GRM8: variants seen among roughly 807,000 people sequenced by gnomAD.
GRM8 encodes metabotropic glutamate receptor 8.
A neutral mutation model predicts 87.2 loss-of-function variants in GRM8; 47 were observed. The observed-to-expected ratio is 0.54, with a 90% CI of 0.43 to 0.69. The LOEUF is 0.69. Ranked by LOEUF, GRM8 falls within the 30% of genes least tolerant of loss-of-function variation. GRM8 has a pLI of 0.00. For synonymous variants in GRM8, 396 were observed against 404.5 expected (o/e 0.98, Z 0.25); for missense variants, 1,019 against 1,139.2 (o/e 0.89, Z 1.52).
chr7:126,746,750 T>C (rs1409555864), intron 7 of GRM8, among the ~76,000 whole-genome samples: 1 of 151,708 alleles, frequency 6.6e-6, no homozygotes, highest in African/African-American at 2.4e-5. Flanking sequence ...CTATTTGGTT[T>C]TAATTAAATA....
chr7:126,478,987 C>T (rs1292321297), intron 9 of GRM8, among the ~76,000 whole-genome samples: 2 of 151,938 alleles, frequency 1.3e-5, no homozygotes, highest in Admixed American at 6.6e-5. Flanking sequence ...TGGTAATGGG[C>T]TAGATATTTT....
At chr7:126,439,198 T>C (rs1424632499) in intron 10 of GRM8, 30 bp from the exon 11 acceptor site, 2 of 1,164,986 alleles carry the variant, frequency 1.7e-6, no homozygotes, top group East Asian at 2.3e-5. Context: ...CAAATTAAAA[T>C]AGTATATAAT....
intron 3 of GRM8, among the ~76,000 whole-genome samples, chr7:127,015,605 C>T (rs765987164): frequency 3.0e-4 from 45 of 152,024 alleles, no homozygotes; most frequent in Admixed American, 1.6e-3. Context: ...TTCGCAATTC[C>T]GACCACTACC....
chr7:126,987,411 G>C (rs190761569), intron 3 of GRM8, among the ~76,000 whole-genome samples: 1 of 150,994 alleles, frequency 6.6e-6, no homozygotes, highest in Non-Finnish European at 1.5e-5. Flanking sequence ...TAAGTGTTAC[G>C]TTCTTTAAGG....
intron 7 of GRM8, among the ~76,000 whole-genome samples, chr7:126,688,534 G>A (rs1808417096): frequency 6.6e-6 from 1 of 152,146 alleles, no homozygotes; most frequent in Non-Finnish European, 1.5e-5. Flanking sequence ...TAAAAAGAGT[G>A]AACAGAAGTA....
chr7:126,967,044 G>A (rs1809944347), intron 3 of GRM8, among the ~76,000 whole-genome samples: 1 of 152,156 alleles, frequency 6.6e-6, no homozygotes, highest in Non-Finnish European at 1.5e-5. Context: ...TGCATCTATT[G>A]TTAGATTTAT....
intron 3 of GRM8, among the ~76,000 whole-genome samples, chr7:127,042,875 G>C (rs1033200615): frequency 6.6e-6 from 1 of 152,092 alleles, no homozygotes; most frequent in Non-Finnish European, 1.5e-5. Flanking sequence ...CTGACAAAGG[G>C]CTAATATCCA....
chr7:126,865,878 C>T (rs1455421109), intron 6 of GRM8, among the ~76,000 whole-genome samples: 1 of 152,138 alleles, frequency 6.6e-6, no homozygotes, highest in East Asian at 1.9e-4. Context: ...ATAAATGATG[C>T]TGTCATGAAT....
intron 9 of GRM8, among the ~76,000 whole-genome samples, chr7:126,490,814 A>T (rs1250349134): frequency 1.3e-5 from 2 of 152,090 alleles, no homozygotes; most frequent in Admixed American, 1.3e-4. Flanking sequence ...TACATTGTAG[A>T]CTTTTCATAT....
chr7:127,109,017 T>C (rs1488042022), intron 2 of GRM8, among the ~76,000 whole-genome samples: 1 of 152,182 alleles, frequency 6.6e-6, no homozygotes, highest in African/African-American at 2.4e-5. Flanking sequence ...TAAGCATTGG[T>C]TCATTAAGCA....
At chr7:126,709,748 G>C (rs1056055240) in intron 7 of GRM8, among the ~76,000 whole-genome samples, 4 of 152,040 alleles carry the variant, frequency 2.6e-5, no homozygotes, top group African/African-American at 9.7e-5. Context: ...ATTTACAATA[G>C]GGAAGCTATG....
At chr7:126,703,707 G>A (rs1289820060) in intron 7 of GRM8, among the ~76,000 whole-genome samples, 3 of 152,132 alleles carry the variant, frequency 2.0e-5, no homozygotes, top group Non-Finnish European at 4.4e-5. Context: ...CTACAGGTGT[G>A]CTCTGCCATA....
At chr7:127,180,095 G>A (rs948437169) in intron 2 of GRM8, among the ~76,000 whole-genome samples, 9 of 151,980 alleles carry the variant, frequency 5.9e-5, no homozygotes, top group Admixed American at 5.9e-4. Context: ...AAAATTGATA[G>A]ACCATCAGCA....
At chr7:126,557,029 A>G (rs1410716155) in intron 8 of GRM8, among the ~76,000 whole-genome samples, 1 of 152,222 alleles carries the variant, frequency 6.6e-6, no homozygotes, top group Non-Finnish European at 1.5e-5. Context: ...GAAAAAGATA[A>G]GATAGAGCCC....
chr7:126,640,864 T>C (rs1404033231), intron 7 of GRM8, among the ~76,000 whole-genome samples: 3 of 151,898 alleles, frequency 2.0e-5, no homozygotes, highest in Non-Finnish European at 4.4e-5. Context: ...GAATTATATT[T>C]TGCTACCCTT....
chr7:127,031,138 G>A (rs1377886562), intron 3 of GRM8, among the ~76,000 whole-genome samples: 1 of 151,962 alleles, frequency 6.6e-6, no homozygotes, highest in Non-Finnish European at 1.5e-5. Context: ...ACAAACCCCA[G>A]GTTTTCTTTA....
At chr7:126,866,880 G>T (rs996184353) in intron 6 of GRM8, among the ~76,000 whole-genome samples, 1 of 151,918 alleles carries the variant, frequency 6.6e-6, no homozygotes, top group Non-Finnish European at 1.5e-5. Context: ...GTGAGCTACC[G>T]CGCCCTGCCT....
At chr7:126,929,682 C>A (rs183133454) in intron 3 of GRM8, among the ~76,000 whole-genome samples, 2 of 145,442 alleles carry the variant, frequency 1.4e-5, no homozygotes, top group Non-Finnish European at 3.0e-5. Flanking sequence ...GATCCACCCC[C>A]CTCAGCCTCC....
chr7:126,615,213 C>T (rs534186297), intron 7 of GRM8, among the ~76,000 whole-genome samples: 1 of 152,200 alleles, frequency 6.6e-6, no homozygotes, highest in South Asian at 2.1e-4. Context: ...GAGTGGGGGC[C>T]AATATTCAAC....
Sources: allele counts gnomAD v4.1 joint callset (sites outside exome capture counted in the v4.1 genomes callset), GRCh38; gene constraint gnomAD v4.1.1; transcripts MANE v1.5; gene names NCBI Gene and HGNC (gene_info 2026-07-23, HGNC 2026-07-21).